The following TRABD2B variants were observed in gnomAD, a reference collection of about 807,000 sequenced individuals.
The protein encoded by TRABD2B is TraB domain containing 2B.
In TRABD2B, 14 loss-of-function variants were observed where a neutral mutation model predicts 40.1. That is an observed-to-expected ratio of 0.35 (90% CI 0.23 to 0.55). TRABD2B has a LOEUF of 0.55. Among genes scored for constraint, TRABD2B ranks in the 20% least tolerant of loss-of-function variants. The probability of loss-of-function intolerance (pLI) is 0.90; values close to 1 mark genes in which losing one functional copy is unlikely to be tolerated. For missense variants in TRABD2B, 541 were observed against 648.6 expected (o/e 0.83, Z 1.80); for synonymous variants, 263 against 277.0 (o/e 0.95, Z 0.50).
At chr1:47,803,866 A>C (rs1354476699) in intron 2 of TRABD2B, among the ~76,000 whole-genome samples, 4 of 152,212 alleles carry the variant, frequency 2.6e-5, no homozygotes, top group African/African-American at 9.6e-5. Context: ...TTGAGTCCTT[A>C]AATCTAGCCC....
intron 2 of TRABD2B, among the ~76,000 whole-genome samples, chr1:47,956,512 CTG>C (rs1018081074): frequency 6.6e-6 from 1 of 152,248 alleles, no homozygotes; most frequent in Non-Finnish European, 1.5e-5. Flanking sequence ...TACCCTAAGA[CTG>C]TGCTTTTCCA....
intron 2 of TRABD2B, among the ~76,000 whole-genome samples, chr1:47,958,394 A>G (rs1238874500): frequency 1.9e-4 from 28 of 147,854 alleles, no homozygotes; most frequent in Admixed American, 1.9e-3. Context: ...TAAATGCTCC[A>G]ATTAAAAGAC....
Position 47,764,737 on chromosome 1 carries a change from G to T in TRABD2B, c.*1165C>A, listed in dbSNP as rs1644281508. On this transcript the variant is annotated 3_prime_UTR_variant, in exon 7 of 7. Transcript: ENST00000606738. ...GGTGAGATCTGCTCCCTTGCAGAGA[G>T]AACGTGGCAGAACAGGGAACAGGAG... 6.6e-6 allele frequency: 1 copy of T among 152,242 alleles called. No homozygotes were observed. The highest frequency in any genetic ancestry group is 2.1e-4 in the South Asian group (1 of 4,826). The allele number at this position is 152,242 out of a possible 1,614,324, so 9.4% of individuals were successfully genotyped here.
intron 2 of TRABD2B, among the ~76,000 whole-genome samples, chr1:47,862,363 G>A (rs1471761899): frequency 2.0e-5 from 3 of 151,586 alleles, no homozygotes; most frequent in Non-Finnish European, 2.9e-5. Flanking sequence ...AAAACTCCTG[G>A]AACTAATAAA....
intron 3 of TRABD2B, 112 bp from the exon 4 acceptor site, chr1:47,794,872 T>A (rs1644726708): frequency 9.4e-7 from 1 of 1,067,776 alleles, no homozygotes; most frequent in African/African-American, 1.6e-5. Context: ...GCCTCAACTC[T>A]CTGGCTCAAG....
chr1:47,805,620 G>T (rs1352998149), intron 2 of TRABD2B, among the ~76,000 whole-genome samples: 2 of 152,160 alleles, frequency 1.3e-5, no homozygotes, highest in South Asian at 4.1e-4. Context: ...TGCTGATCCA[G>T]AATCATGCGC....
chr1:47,839,444 G>A (rs1645364785), intron 2 of TRABD2B, among the ~76,000 whole-genome samples: 1 of 152,172 alleles, frequency 6.6e-6, no homozygotes, highest in Non-Finnish European at 1.5e-5. Context: ...CCTCTTCAAT[G>A]TCTCTGGATG....
Position 47,988,608 on chromosome 1 carries a change from T to C in TRABD2B, c.666+5426A>G, listed in dbSNP as rs185405090. Among the ~76,000 whole-genome samples the C allele has an allele frequency of 9.2e-5, 14 of 152,132 alleles. 1 individual carries two copies. The highest frequency in any genetic ancestry group is 8.5e-4 in the Admixed American group (13 of 15,290). On this transcript the variant is annotated intron_variant, in intron 2 of 6. Transcript: ENST00000606738. Reference sequence around the variant, plus strand: ...CTGGAACCAACAGGCTCTGGACAAATAGGTATCAGCAGCAACTGCCAAAGA... The same window carrying C: ...CTGGAACCAACAGGCTCTGGACAAACAGGTATCAGCAGCAACTGCCAAAGA...
At position 47,955,493 on chromosome 1, in the gene TRABD2B, G is replaced by C. The variant is rs115930606; in HGVS notation, c.666+38541C>G. On this transcript the variant is annotated intron_variant, in intron 2 of 6. Transcript: ENST00000606738. ...CTCAGCCTTCAAAGCTCCCCATTCT[G>C]GCCTTATCTCCTCAGTCTGATCTCA... Among the ~76,000 whole-genome samples the C allele has an allele frequency of 3.6e-3, 549 of 152,228 alleles. 4 individuals carry two copies. Among genetic ancestry groups the C allele is most frequent in the African/African-American group, 0.012 (516 of 41,526 alleles).
At chr1:47,975,477 ACTT>A in intron 2 of TRABD2B, among the ~76,000 whole-genome samples, 1 of 152,338 alleles carries the variant, frequency 6.6e-6, no homozygotes, top group Admixed American at 6.5e-5. Flanking sequence ...TTGCATCATT[ACTT>A]TGTGCACCTG....
In TRABD2B at chr1:47,785,639, G is replaced by A. The variant is rs545935747; in HGVS notation, c.989-7095C>T. 2.9e-4 allele frequency among the ~76,000 whole-genome samples: 44 copies of A among 152,358 alleles called. No homozygotes were observed. In the South Asian group the frequency reaches 5.4e-3, roughly 19 times the overall value. ...CTGGGCTCAAGCCCAGGCATGGCACGGGGTGCATCCATGTCAAGGCCCAGA... is the reference window on the plus strand; with the variant it reads ...CTGGGCTCAAGCCCAGGCATGGCACAGGGTGCATCCATGTCAAGGCCCAGA... On this transcript the variant is annotated intron_variant, in intron 4 of 6. Coordinates refer to ENST00000606738, the MANE Select transcript of TRABD2B (RefSeq NM_001194986.2).
At chr1:47,920,150 T>G (rs1277528923) in intron 2 of TRABD2B, among the ~76,000 whole-genome samples, 1 of 152,068 alleles carries the variant, frequency 6.6e-6, no homozygotes, top group Non-Finnish European at 1.5e-5. Context: ...GAGGATCGAG[T>G]GGTGGATGAT....
chr1:47,996,667 G>A lies in TRABD2B; in HGVS notation c.102+21C>T. ...GAATACCCAGGCAGGCGGGAGAGTG[G>A]CCGGGCAGGCGCTCGCTCACCGATC... On this transcript the variant is annotated intron_variant, in intron 1 of 6. Coordinates refer to ENST00000606738, the MANE Select transcript of TRABD2B (RefSeq NM_001194986.2). This position sits in a 1 kb window ranked among gnomAD's most constrained non-coding sequence, Gnocchi z 4.6. 1 of 1,228,738 alleles carries A rather than the reference G, an allele frequency of 8.1e-7. No homozygotes were observed. Among genetic ancestry groups the A allele is most frequent in the Non-Finnish European group, 1.0e-6 (1 of 984,852 alleles). 76.1% of individuals were successfully genotyped at this position (1,228,738 alleles called of 1,614,324 possible). A position where few individuals can be genotyped will look rare whatever the true frequency, so the allele number is the denominator to read the frequency against.
chr1:47,833,988 T>C (rs12031340), intron 2 of TRABD2B, among the ~76,000 whole-genome samples: 5,035 of 152,300 alleles, frequency 0.033, 198 homozygotes, highest in East Asian at 0.15. Context: ...CTATTACCCA[T>C]ACGCCTTCTG....
Position 47,762,695 on chromosome 1 carries a change from G to C in TRABD2B, c.*3207C>G, listed in dbSNP as rs1557545883. 6.6e-6 allele frequency: 1 copy of C among 152,156 alleles called. No homozygotes were observed. Among genetic ancestry groups the C allele is most frequent in the Non-Finnish European group, 1.5e-5 (1 of 68,036 alleles). 9.4% of individuals were successfully genotyped at this position (152,156 alleles called of 1,614,324 possible). On this transcript the variant is annotated 3_prime_UTR_variant, in exon 7 of 7. Coordinates refer to ENST00000606738, the MANE Select transcript of TRABD2B (RefSeq NM_001194986.2). The stretch of plus-strand genomic sequence containing the variant: ...TAGATCCCAGATCTTTGACTCTCAG[G>C]ACTGGAGGCATCCTCAGCAGCCCTT...
chr1:47,778,472 G>T lies in TRABD2B; in HGVS notation c.1061C>A (p.Ala354Asp). 6.5e-7 allele frequency: 1 copy of T among 1,536,070 alleles called. No individual in the cohort carries two copies. The highest frequency in any genetic ancestry group is 8.7e-7 in the Non-Finnish European group (1 of 1,146,846). Residue 354 changes from alanine to aspartate, a missense_variant, in exon 5 of 7, where the codon GCC becomes GAC. By Grantham distance (126) the Ala-to-Asp change is moderately radical. Coordinates refer to ENST00000606738, the MANE Select transcript of TRABD2B (RefSeq NM_001194986.2). Reference protein sequence around the residue: ...QAGLEVDHTPAGQAIHSPAPQ... With the variant: ...QAGLEVDHTPDGQAIHSPAPQ... ...GGCTTACCTGTGTATGGCCTGCCCG[G>T]CGGGTGTGTGGTCCACCTCCAGCCC...
chr1:47,824,065 T>C (rs1287023255), intron 2 of TRABD2B, among the ~76,000 whole-genome samples: 1 of 152,120 alleles, frequency 6.6e-6, no homozygotes, highest in African/African-American at 2.4e-5. Context: ...CAGAGGAAAG[T>C]TGGCAATTCT....
chr1:47,878,001 C>T (rs1300027253), intron 2 of TRABD2B, among the ~76,000 whole-genome samples: 1 of 148,872 alleles, frequency 6.7e-6, no homozygotes, highest in Non-Finnish European at 1.5e-5. Flanking sequence ...AAGTCTCCAT[C>T]TCAGAAAAAA....
intron 2 of TRABD2B, among the ~76,000 whole-genome samples, chr1:47,816,861 A>G (rs1332921874): frequency 6.6e-6 from 1 of 152,190 alleles, no homozygotes; most frequent in Non-Finnish European, 1.5e-5. Flanking sequence ...GGTGAGACAA[A>G]GGAGGCACAG....
Sources: gnomAD v4.1 joint callset for allele counts (sites outside exome capture counted in the v4.1 genomes callset) on GRCh38, gnomAD v4.1.1 for gene constraint, Gnocchi (gnomAD v3.1) non-coding constraint, MANE v1.5 for transcripts, NCBI Gene and HGNC (gene_info 2026-07-23, HGNC 2026-07-21) for gene names.